CRB1: variants seen among roughly 807,000 people sequenced by gnomAD.
CRB1 encodes the protein protein crumbs homolog 1.
A neutral mutation model predicts 120.0 loss-of-function variants in CRB1; 83 were observed. That is an observed-to-expected ratio of 0.69 (90% CI 0.58 to 0.83). The LOEUF (loss-of-function observed/expected upper bound fraction) is 0.83, where lower values mean the gene tolerates loss of function less well. Ranked by LOEUF, CRB1 falls within the 40% of genes least tolerant of loss-of-function variation. CRB1 has a pLI of 0.00. For missense variants in CRB1, 1,699 were observed against 1,687.6 expected (o/e 1.01, Z -0.12); for synonymous variants, 625 against 612.5 (o/e 1.02, Z -0.30).
chr1:197,317,500 A>G (rs765213803), intron 1 of CRB1, among the ~76,000 whole-genome samples: 18 of 152,184 alleles, frequency 1.2e-4, no homozygotes, highest in Non-Finnish European at 2.4e-4. Flanking sequence ...AAAAATCTTA[A>G]AATTTGTGTG....
At chr1:197,416,154 A>C (rs1036825448) in intron 5 of CRB1, among the ~76,000 whole-genome samples, 1 of 152,072 alleles carries the variant, frequency 6.6e-6, no homozygotes, top group African/African-American at 2.4e-5. Context: ...GTTTTTCACA[A>C]ATTTGTCTTA....
intron 5 of CRB1, chr1:197,363,941 G>T: frequency 7.6e-7 from 1 of 1,321,806 alleles, no homozygotes; most frequent in East Asian, 2.3e-5. Flanking sequence ...ATTAAGCTTC[G>T]GCGGTATTAT....
At chr1:197,450,324 A>T (rs944471745) in intron 11 of CRB1, among the ~76,000 whole-genome samples, 20 of 152,200 alleles carry the variant, frequency 1.3e-4, no homozygotes, top group Non-Finnish European at 2.2e-4. Context: ...ATCAATTCAG[A>T]AGCGCAGGTT....
At chr1:197,376,580 G>C (rs1463042576) in intron 5 of CRB1, among the ~76,000 whole-genome samples, 1 of 152,096 alleles carries the variant, frequency 6.6e-6, no homozygotes, top group African/African-American at 2.4e-5. Flanking sequence ...CACACAGTTT[G>C]TTGGCTTCTC....
chr1:197,475,262 T>G (rs1667150906), intron 11 of CRB1, among the ~76,000 whole-genome samples: 1 of 152,182 alleles, frequency 6.6e-6, no homozygotes, highest in African/African-American at 2.4e-5. Context: ...TGACCTCATA[T>G]TCTTCCTACA....
intron 4 of CRB1, among the ~76,000 whole-genome samples, chr1:197,351,390 G>GAAGAA (rs1480774788): frequency 6.9e-6 from 1 of 145,292 alleles, no homozygotes; most frequent in East Asian, 2.0e-4. Context: ...AAAAAAAGGA[G>GAAGAA]AAGAAAAGAA....
chr1:197,453,512 A>G (rs903046696), intron 11 of CRB1, among the ~76,000 whole-genome samples: 2 of 131,178 alleles, frequency 1.5e-5, no homozygotes, highest in African/African-American at 5.5e-5. Flanking sequence ...GTGTATATAT[A>G]TGTGTGTGTG....
intron 5 of CRB1, among the ~76,000 whole-genome samples, chr1:197,369,476 C>T (rs987151000): frequency 4.6e-5 from 7 of 152,084 alleles, no homozygotes; most frequent in African/African-American, 1.7e-4. Flanking sequence ...CAATCCTCTT[C>T]CTGAAGAATT....
intron 1 of CRB1, among the ~76,000 whole-genome samples, chr1:197,323,132 T>G (rs1658299140): frequency 6.6e-6 from 1 of 152,208 alleles, no homozygotes. Flanking sequence ...TTATATTGAT[T>G]GCCAATACTA....
chr1:197,343,576 G>A (rs1401955190), intron 2 of CRB1, among the ~76,000 whole-genome samples: 2 of 151,942 alleles, frequency 1.3e-5, no homozygotes, highest in Non-Finnish European at 2.9e-5. Context: ...TTTAAGGGTA[G>A]TATTTTACAA....
At chr1:197,220,370 G>A in the CRB1 span, among the ~76,000 whole-genome samples, 2 of 152,132 alleles carry the variant, frequency 1.3e-5, no homozygotes, top group Non-Finnish European at 2.9e-5. Context: ...ATGTGGACCA[G>A]CAACATAAAA....
intron 5 of CRB1, among the ~76,000 whole-genome samples, chr1:197,402,890 A>G (rs1042080815): frequency 4.6e-5 from 7 of 152,152 alleles, no homozygotes; most frequent in South Asian, 2.1e-4. Context: ...TAATAGCACT[A>G]TTGCAATGCT....
intron 5 of CRB1, among the ~76,000 whole-genome samples, chr1:197,418,424 C>T (rs892500422): frequency 6.6e-6 from 1 of 152,154 alleles, no homozygotes; most frequent in Non-Finnish European, 1.5e-5. Context: ...ATCATTCATA[C>T]CCTTAGCACT....
intron 1 of CRB1, among the ~76,000 whole-genome samples, chr1:197,300,169 T>C (rs754069256): frequency 1.3e-5 from 2 of 151,910 alleles, no homozygotes; most frequent in African/African-American, 4.9e-5. Flanking sequence ...GGCCAATTAA[T>C]AACGCTTTCA....
At chr1:197,474,395 G>A (rs1320034922) in intron 11 of CRB1, among the ~76,000 whole-genome samples, 1 of 152,214 alleles carries the variant, frequency 6.6e-6, no homozygotes, top group Non-Finnish European at 1.5e-5. Context: ...ACTGGCAGAG[G>A]TGGGGCTGGA....
intron 1 of CRB1, among the ~76,000 whole-genome samples, chr1:197,285,205 G>A (rs998775644): frequency 3.9e-5 from 6 of 151,924 alleles, no homozygotes; most frequent in Admixed American, 3.9e-4. Context: ...GAAAAGAGAA[G>A]TTTGTCCAAG....
rs989413266 is a variant in CRB1 at position 197,342,586 on chromosome 1, G to A, written c.653-1695G>A. ...GATTTTTTTAAATGGTATTTGACACGCTGGCTGCTCCAAATTTTTCCAGTC... is the reference window on the plus strand; with the variant it reads ...GATTTTTTTAAATGGTATTTGACACACTGGCTGCTCCAAATTTTTCCAGTC... On this transcript the variant is annotated intron_variant, in intron 2 of 11. Transcript: ENST00000367400. 6.6e-5 allele frequency among the ~76,000 whole-genome samples: 10 copies of A among 151,864 alleles called. 1 individual carries two copies. Among genetic ancestry groups the A allele is most frequent in the Non-Finnish European group, 1.0e-4 (7 of 67,992 alleles).
At chr1:197,328,393 T>C (rs1396488851) in intron 1 of CRB1, 29 bp from the exon 2 acceptor site, 1 of 1,551,890 alleles carries the variant, frequency 6.4e-7, no homozygotes, top group Admixed American at 1.7e-5. Flanking sequence ...TTTATAAATT[T>C]AATCTTGTTA....
intron 5 of CRB1, among the ~76,000 whole-genome samples, chr1:197,374,707 A>G (rs919402071): frequency 6.6e-6 from 1 of 152,140 alleles, no homozygotes; most frequent in Admixed American, 6.6e-5. Context: ...AAATAAACTC[A>G]TCATCATCAA....
Sources: allele counts gnomAD v4.1 joint callset (sites outside exome capture counted in the v4.1 genomes callset), GRCh38; gene constraint gnomAD v4.1.1; transcripts MANE v1.5; gene names NCBI Gene and HGNC (gene_info 2026-07-23, HGNC 2026-07-21).